IDH2: variants seen among roughly 807,000 people sequenced by gnomAD.
The protein encoded by IDH2 is isocitrate dehydrogenase [NADP], mitochondrial.
A neutral mutation model predicts 50.5 loss-of-function variants in IDH2; 18 were observed. The ratio of observed to expected loss-of-function variants is 0.36; its 90% CI spans 0.25 to 0.53. The LOEUF (loss-of-function observed/expected upper bound fraction) is 0.53, where lower values mean the gene tolerates loss of function less well. Among genes scored for constraint, IDH2 ranks in the 20% least tolerant of loss-of-function variants. The pLI is 0.92. For synonymous variants in IDH2, 280 were observed against 239.8 expected, an observed-to-expected ratio of 1.17 and a Z score of -1.55; for missense variants, 518 against 610.7, an observed-to-expected ratio of 0.85 and a Z score of 1.60.
chr15:90,102,313 C>A lies in IDH2; in HGVS notation c.78G>T (p.Leu26=). Residue 26 remains leucine, a synonymous_variant, in exon 1 of 11, where the codon CTG becomes CTT. Coordinates refer to ENST00000330062, the MANE Select transcript of IDH2 (RefSeq NM_002168.4). The part of the protein sequence containing the change: ...GSRPAWAPAA[L]TAPTSQEQPR... ...GCTGCTCTTGCGAGGTGGGGGCTGT[C>A]AGGGCCGCCGGCGCCCAGGCCGGCC... 2 of 1,357,156 alleles carry A rather than the reference C, an allele frequency of 1.5e-6. No homozygotes were observed. The highest frequency in any genetic ancestry group is 1.6e-5 in the South Asian group (1 of 61,060). 84.1% of individuals were successfully genotyped at this position (1,357,156 alleles called of 1,614,324 possible).
At position 90,088,601 on chromosome 15, in the gene IDH2, C is replaced by T. The variant is rs2151549546; in HGVS notation, c.520G>A (p.Ala174Thr). The T allele has an allele frequency of 6.2e-7, 1 of 1,614,196 alleles. No homozygotes were observed. The highest frequency in any genetic ancestry group is 8.5e-7 in the Non-Finnish European group (1 of 1,180,042). ...WTKPITIGRHAHGDQYKATDF... is the reference protein window; with the variant it reads ...WTKPITIGRHTHGDQYKATDF... ...CCCTGGCCTACCTGGTCGCCATGGGCGTGCCTGCCAATGGTGATGGGCTTG... is the reference window on the plus strand; with the variant it reads ...CCCTGGCCTACCTGGTCGCCATGGGTGTGCCTGCCAATGGTGATGGGCTTG... Residue 174 changes from alanine (A) to threonine (T), a missense_variant, in exon 4 of 11, where the codon GCC becomes ACC. This residue lies in a region of IDH2 where 207 missense variants were observed against 208.6 expected (regional missense o/e 0.99). Coordinates refer to ENST00000330062, the MANE Select transcript of IDH2 (RefSeq NM_002168.4).
At chr15:90,093,375 T>A (rs1901095485) in intron 1 of IDH2, among the ~76,000 whole-genome samples, 1 of 152,228 alleles carries the variant, frequency 6.6e-6, no homozygotes, top group South Asian at 2.1e-4. Flanking sequence ...TTCTATGAGC[T>A]ACGCTGTGTA....
At chr15:90,096,854 C>T (rs1901195340) in intron 1 of IDH2, among the ~76,000 whole-genome samples, 1 of 151,684 alleles carries the variant, frequency 6.6e-6, no homozygotes, top group East Asian at 1.9e-4. Context: ...GCGGAGCTTG[C>T]AGTGAGCTGA....
intron 3 of IDH2, among the ~76,000 whole-genome samples, chr15:90,089,988 G>A (rs1900989941): frequency 8.5e-6 from 1 of 117,790 alleles, no homozygotes. Flanking sequence ...GCACTCCTCT[G>A]CACAATCTCT....
At position 90,087,500 on chromosome 15, in the gene IDH2, T is replaced by C. The variant is rs374859560; in HGVS notation, c.754A>G (p.Asn252Asp). 1.9e-6 allele frequency: 3 copies of C among 1,614,082 alleles called. No individual in the cohort carries two copies. The highest frequency in any genetic ancestry group is 2.5e-6 in the Non-Finnish European group (3 of 1,180,048). The part of the protein sequence containing the change: ...KKWPLYMSTK[N>D]TILKAYDGRF... ...CCATCGTAGGCTTTCAGTATGGTGT[T>C]CTTGGTGCTCATGTACAGCGGCCAT... Residue 252 changes from asparagine to aspartate, a missense_variant, in exon 6 of 11, where the codon AAC becomes GAC. Asn to Asp is a conservative substitution (Grantham distance 23). Coordinates refer to ENST00000330062, the MANE Select transcript of IDH2 (RefSeq NM_002168.4).
chr15:90,090,417 GGA>G, intron 3 of IDH2, 60 bp downstream of exon 3: 1 of 1,573,750 alleles, frequency 6.4e-7, no homozygotes, highest in Admixed American at 1.7e-5. Flanking sequence ...CCCCAAGTCT[GGA>G]GAGGCCGGTG....
chr15:90,095,939 T>C (rs1428674829), intron 1 of IDH2, among the ~76,000 whole-genome samples: 1 of 152,206 alleles, frequency 6.6e-6, no homozygotes, highest in African/African-American at 2.4e-5. Flanking sequence ...AAAATCTTAA[T>C]TGGTGACCAA....
chr15:90,097,977 C>T (rs1901225137), intron 1 of IDH2, among the ~76,000 whole-genome samples: 1 of 152,186 alleles, frequency 6.6e-6, no homozygotes, highest in African/African-American at 2.4e-5. Context: ...AAGTGCCCTC[C>T]AGTGTGGCCC....
chr15:90,096,642 C>T (rs1567258884), intron 1 of IDH2, among the ~76,000 whole-genome samples: 1 of 152,108 alleles, frequency 6.6e-6, no homozygotes, highest in African/African-American at 2.4e-5. Flanking sequence ...CTGCCGGGCA[C>T]GGTGGCTCGC....
In IDH2 at chr15:90,088,978, G is replaced by A. The variant is rs111759913; in HGVS notation, c.374-231C>T. ...TGCCCAGGCTGGAGTGCAATGGCGC[G>A]ATCTCGGCTCACCACAACCTCTGCC... On this transcript the variant is annotated intron_variant, in intron 3 of 10. Coordinates refer to ENST00000330062, the MANE Select transcript of IDH2 (RefSeq NM_002168.4). Among the ~76,000 whole-genome samples, 686 of 145,260 alleles carry A rather than the reference G, an allele frequency of 4.7e-3. 5 individuals carry two copies. Among genetic ancestry groups the A allele is most frequent in the Non-Finnish European group, 6.6e-3 (441 of 66,884 alleles).
chr15:90,098,056 C>T lies in IDH2; in HGVS notation c.115+4220G>A, dbSNP rs1901226657. ...TGGTGGAGATACAGCCATGGTCTGC[C>T]CTTCTCTGAGAGATAAGTGGTGACA... On this transcript the variant is annotated intron_variant, in intron 1 of 10. Transcript: ENST00000330062. This position sits in a 1 kb window ranked among gnomAD's most constrained non-coding sequence, Gnocchi z 5.1. Among the ~76,000 whole-genome samples the T allele has an allele frequency of 6.6e-6, 1 of 152,122 alleles. No homozygotes were observed. Among genetic ancestry groups the T allele is most frequent in the Non-Finnish European group, 1.5e-5 (1 of 68,008 alleles).
In IDH2 at chr15:90,088,697, T is replaced by G. The variant is rs773486107; in HGVS notation, c.424A>C (p.Ile142Leu). 7 of 1,614,130 alleles carry G rather than the reference T, an allele frequency of 4.3e-6. No homozygotes were observed. The East Asian group carries it at 1.6e-4, about 36-fold the overall frequency. The change falls in exon 4 of 11, where the codon ATC becomes CTC. Residue 142 changes from isoleucine to leucine, a missense_variant. Ile to Leu is a conservative substitution (Grantham distance 5). Around this residue, in one of 5 missense-constraint regions of IDH2, gnomAD observed 207 missense variants for 208.6 expected, o/e 0.99. Coordinates refer to ENST00000330062, the MANE Select transcript of IDH2 (RefSeq NM_002168.4). ...TCCCGGAAGACAGTCCCCCCCAGGATGTTCCGGATAGTTCCATTGGGACTT... is the reference window on the plus strand; with the variant it reads ...TCCCGGAAGACAGTCCCCCCCAGGAGGTTCCGGATAGTTCCATTGGGACTT... Reference protein sequence around the residue: ...WKSPNGTIRNILGGTVFREPI... With the variant: ...WKSPNGTIRNLLGGTVFREPI...
At chr15:90,095,540 T>G (rs4932280) in intron 1 of IDH2, among the ~76,000 whole-genome samples, 64,210 of 151,594 alleles carry the variant, frequency 0.42, 15,493 homozygotes, top group Non-Finnish European at 0.56. Context: ...GGCCAGTTCT[T>G]CAGGTTTCAG....
At position 90,090,955 on chromosome 15, in the gene IDH2, C is replaced by G. The variant is rs184767738; in HGVS notation, c.208-311G>C. Among the ~76,000 whole-genome samples, 179 of 152,332 alleles carry G rather than the reference C, an allele frequency of 1.2e-3. 1 individual carries two copies. Among genetic ancestry groups the G allele is most frequent in the African/African-American group, 4.1e-3 (170 of 41,578 alleles). On this transcript the variant is annotated intron_variant, in intron 2 of 10. Transcript: ENST00000330062. ...CATCAACTCAGCCAAACCCCAACCC[C>G]AAGTACATCTAGATTTCTCTATACA... is the stretch of plus-strand genomic sequence containing the variant.
rs866778992 is a variant in IDH2 at position 90,090,621 on chromosome 15, G to T, written c.231C>A (p.Ile77=). 6.2e-7 allele frequency: 1 copy of T among 1,614,218 alleles called. No homozygotes were observed. The highest frequency in any genetic ancestry group is 1.7e-4 in the Middle Eastern group (1 of 6,060). ...KEKLILPHVD[I]QLKYFDLGLP... ...GCCCGAGGTCAAAATACTTTAGCTG[G>T]ATGTCCACGTGGGGCAGGATGAGCT... is the stretch of plus-strand genomic sequence containing the variant. The change falls in exon 3 of 11, where the codon ATC becomes ATA. Residue 77 remains isoleucine, a synonymous_variant. Coordinates refer to ENST00000330062, the MANE Select transcript of IDH2 (RefSeq NM_002168.4).
chr15:90,085,211 A>C lies in IDH2; in HGVS notation c.1080+64T>G. The C allele has an allele frequency of 6.6e-7, 1 of 1,525,234 alleles. No individual in the cohort carries two copies. 94.5% of individuals were successfully genotyped at this position (1,525,234 alleles called of 1,614,324 possible). On this transcript the variant is annotated intron_variant, in intron 8 of 10. Coordinates refer to ENST00000330062, the MANE Select transcript of IDH2 (RefSeq NM_002168.4). The surrounding 1 kb of genome is among the most constrained non-coding windows in gnomAD (Gnocchi z 5.5). ...GGTCAGGCTCGTCCTTCCAGCCCTC[A>C]GCCCAGTGGGCTTTAGGCCCCTGGG... is the stretch of plus-strand genomic sequence containing the variant.
intron 1 of IDH2, among the ~76,000 whole-genome samples, chr15:90,094,839 T>C (rs1390227280): frequency 6.6e-6 from 1 of 151,544 alleles, no homozygotes; most frequent in African/African-American, 2.4e-5. Flanking sequence ...GAGGTGGAGG[T>C]TGCAGTAAGC....
chr15:90,089,115 T>C (rs992117275), intron 3 of IDH2, among the ~76,000 whole-genome samples: 1 of 151,900 alleles, frequency 6.6e-6, no homozygotes, highest in Non-Finnish European at 1.5e-5. Context: ...GGTTTCTCCA[T>C]GTTGGTCAGG....
intron 1 of IDH2, among the ~76,000 whole-genome samples, chr15:90,094,772 C>T (rs970148565): frequency 3.9e-5 from 6 of 152,042 alleles, no homozygotes; most frequent in South Asian, 2.1e-4. Context: ...CATGGTGGCA[C>T]GTGCCTATAA....
Sources: allele counts gnomAD v4.1 joint callset (sites outside exome capture counted in the v4.1 genomes callset), GRCh38; gene constraint gnomAD v4.1.1; regional missense constraint gnomAD v4.1.1; non-coding constraint Gnocchi (gnomAD v3.1); transcripts MANE v1.5; gene names NCBI Gene and HGNC (gene_info 2026-07-23, HGNC 2026-07-21).